MTOR: variants seen among roughly 807,000 people sequenced by gnomAD.
The protein encoded by MTOR is mechanistic target of rapamycin kinase, also known as serine/threonine-protein kinase mTOR.
MTOR carries 70 observed loss-of-function variants against 319.8 expected under a neutral mutation model. The observed-to-expected ratio is 0.22, with a 90% CI of 0.18 to 0.27. MTOR has a LOEUF of 0.27. MTOR is among the 10% of genes least tolerant of loss of function. MTOR has a pLI of 1.00. For missense variants in MTOR, 1,890 were observed against 3,274.4 expected (o/e 0.58, Z 10.32); for synonymous variants, 1,183 against 1,211.4 (o/e 0.98, Z 0.49).
chr1:11,193,827 C>A (rs959529013), intron 28 of MTOR: 3 of 1,560,624 alleles, frequency 1.9e-6, no homozygotes, highest in South Asian at 1.1e-5. Flanking sequence ...CACACATGAC[C>A]GCGTACAACT....
chr1:11,254,053 G>A, intron 5 of MTOR, 80 bp from the exon 6 acceptor site: 1 of 1,562,288 alleles, frequency 6.4e-7, no homozygotes, highest in South Asian at 1.1e-5. Context: ...ATCTACACTG[G>A]GGGTTCTGAG....
At chr1:11,249,056 T>C (rs962008053) in intron 6 of MTOR, among the ~76,000 whole-genome samples, 2 of 152,000 alleles carry the variant, frequency 1.3e-5, no homozygotes, top group African/African-American at 4.8e-5. Flanking sequence ...AAAACCCGTT[T>C]CTACTAAAAA....
chr1:11,253,102 GTAGGC>G (rs1279579806), intron 6 of MTOR, among the ~76,000 whole-genome samples: 6 of 152,296 alleles, frequency 3.9e-5, no homozygotes, highest in Non-Finnish European at 7.4e-5. Context: ...GCCCTGCAGA[GTAGGC>G]TAGAACACTT....
chr1:11,191,003 G>A (rs1645508906), intron 28 of MTOR, among the ~76,000 whole-genome samples: 1 of 152,186 alleles, frequency 6.6e-6, no homozygotes, highest in Non-Finnish European at 1.5e-5. Context: ...CTCAGTTTGG[G>A]ATTAGAAAGG....
In MTOR at chr1:11,121,143, C is replaced by T; in HGVS notation, c.6933+103G>A. On this transcript the variant is annotated intron_variant, in intron 49 of 57. Transcript: ENST00000361445. This position sits in a 1 kb window ranked among gnomAD's most constrained non-coding sequence, Gnocchi z 4.9. ...TCTGGACACGCTCTACAGCCAATCA[C>T]AGCAAAGAAGAGCCGCTGTGTGCAC... is the stretch of plus-strand genomic sequence containing the variant. 1 of 1,497,222 alleles carries T rather than the reference C, an allele frequency of 6.7e-7. No homozygotes were observed. Among genetic ancestry groups the T allele is most frequent in the Non-Finnish European group, 9.0e-7 (1 of 1,117,316 alleles). The allele number at this position is 1,497,222 out of a possible 1,614,324, so 92.7% of individuals were successfully genotyped here.
intron 28 of MTOR, among the ~76,000 whole-genome samples, chr1:11,197,167 C>T (rs1273289515): frequency 2.0e-5 from 3 of 152,098 alleles, no homozygotes; most frequent in East Asian, 3.9e-4. Context: ...TACTGCAAAG[C>T]GATGTCTCCA....
intron 47 of MTOR, among the ~76,000 whole-genome samples, chr1:11,122,992 T>C (rs1035293654): frequency 6.6e-6 from 1 of 152,114 alleles, no homozygotes; most frequent in African/African-American, 2.4e-5. Flanking sequence ...GTGACTAAAA[T>C]ACCTCTCAAG....
chr1:11,111,695 G>C (rs2100299089), intron 54 of MTOR: 1 of 152,858 alleles, frequency 6.5e-6, no homozygotes, highest in Non-Finnish European at 1.5e-5. Flanking sequence ...GGTCAATTCT[G>C]TAATGCTTTC....
chr1:11,203,960 T>C (rs1646059422), intron 26 of MTOR, among the ~76,000 whole-genome samples: 1 of 99,834 alleles, frequency 1.0e-5, no homozygotes, highest in Non-Finnish European at 2.5e-5. Context: ...AGTCACCATC[T>C]GTGAGAAGGC....
chr1:11,194,689 G>A, intron 28 of MTOR: 1 of 1,613,700 alleles, frequency 6.2e-7, no homozygotes, highest in Non-Finnish European at 8.5e-7. Flanking sequence ...GAAAGGAGAA[G>A]TTCAGGTACA....
intron 47 of MTOR, among the ~76,000 whole-genome samples, chr1:11,123,780 T>C (rs1330041614): frequency 6.6e-6 from 1 of 151,568 alleles, no homozygotes; most frequent in Non-Finnish European, 1.5e-5. Context: ...TAATTTTTTT[T>C]TCCTTACTTT....
chr1:11,156,844 T>C (rs906781449), intron 30 of MTOR, among the ~76,000 whole-genome samples: 1 of 152,144 alleles, frequency 6.6e-6, no homozygotes, highest in South Asian at 2.1e-4. Flanking sequence ...CAAGTAAGAA[T>C]ATGAGCTCTT....
In MTOR at chr1:11,209,382, G is replaced by A. The variant is rs781127298; in HGVS notation, c.3731C>T (p.Ala1244Val). The A allele has an allele frequency of 2.7e-5, 44 of 1,614,178 alleles. No individual in the cohort carries two copies. The highest frequency in any genetic ancestry group is 3.7e-5 in the Non-Finnish European group (44 of 1,180,016). Residue 1244 changes from alanine (A) to valine (V), a missense_variant, in exon 25 of 58, where the codon GCA becomes GTA. Around this residue, in one of 15 missense-constraint regions of MTOR, gnomAD observed 115 missense variants for 105.7 expected, o/e 1.09. Coordinates refer to ENST00000361445, the MANE Select transcript of MTOR (RefSeq NM_004958.4). Reference protein sequence around the residue: ...HRMLRSGQGDALASGPVETGP... With the variant: ...HRMLRSGQGDVLASGPVETGP... ...TGTTTCCACTGGTCCACTAGCCAAT[G>A]CATCCCCTTGGCCACTCCTAAGCAT...
chr1:11,243,614 G>C (rs1230477126), intron 8 of MTOR, among the ~76,000 whole-genome samples: 2 of 151,150 alleles, frequency 1.3e-5, no homozygotes, highest in Admixed American at 1.3e-4. Context: ...CTTGAGCCCA[G>C]ATGGTTGAGG....
At chr1:11,255,499 T>C (rs1409538531) in intron 5 of MTOR, among the ~76,000 whole-genome samples, 1 of 151,352 alleles carries the variant, frequency 6.6e-6, no homozygotes, top group East Asian at 1.9e-4. Context: ...TGGCTATCAA[T>C]AGATGTTTGC....
intron 28 of MTOR, among the ~76,000 whole-genome samples, chr1:11,177,463 C>T (rs1286973085): frequency 6.6e-6 from 1 of 152,034 alleles, no homozygotes; most frequent in African/African-American, 2.4e-5. Context: ...GAGACTAAGG[C>T]GGGAGGAACA....
Position 11,107,441 on chromosome 1 carries a change from C to G in MTOR, c.*44G>C. 2 of 1,600,730 alleles carry G rather than the reference C, an allele frequency of 1.2e-6. No homozygotes were observed. Among genetic ancestry groups the G allele is most frequent in the African/African-American group, 1.4e-5 (1 of 73,910 alleles). On this transcript the variant is annotated 3_prime_UTR_variant, in exon 58 of 58. Coordinates refer to ENST00000361445, the MANE Select transcript of MTOR (RefSeq NM_004958.4). ...TTTAGTGGAAGCATTTACTAAAGTA[C>G]AAAAGCCTCAGAAAAAACGTGATGG...
intron 49 of MTOR, among the ~76,000 whole-genome samples, chr1:11,118,228 A>ATTTTTTTTTTTTTTTTTT (rs771785403): frequency 1.7e-5 from 2 of 120,766 alleles, no homozygotes; most frequent in African/African-American, 4.0e-5. Context: ...AACTTAGTTA[A>ATTTTTTTTTTTTTTTTTT]TTTTTTTTTT....
In MTOR at chr1:11,133,017, G is replaced by C. The variant is rs761792821; in HGVS notation, c.5364+63C>G. 6 of 1,384,682 alleles carry C rather than the reference G, an allele frequency of 4.3e-6. No homozygotes were observed. Among genetic ancestry groups the C allele is most frequent in the Admixed American group, 1.7e-5 (1 of 59,220 alleles). 85.8% of individuals were successfully genotyped at this position (1,384,682 alleles called of 1,614,324 possible). A position where few individuals can be genotyped will look rare whatever the true frequency, so the allele number is the denominator to read the frequency against. On this transcript the variant is annotated intron_variant, in intron 38 of 57. Coordinates refer to ENST00000361445, the MANE Select transcript of MTOR (RefSeq NM_004958.4). The surrounding 1 kb of genome is among the most constrained non-coding windows in gnomAD (Gnocchi z 4.0). ...CGCAGAAGCTCAGCTGTAACCACGA[G>C]CACACAGGAGGACACGAGCCAGCCA...
Sources: allele counts gnomAD v4.1 joint callset (sites outside exome capture counted in the v4.1 genomes callset), GRCh38; gene constraint gnomAD v4.1.1; regional missense constraint gnomAD v4.1.1; non-coding constraint Gnocchi (gnomAD v3.1); transcripts MANE v1.5; gene names NCBI Gene and HGNC (gene_info 2026-07-23, HGNC 2026-07-21).